YIPF6: variants seen among roughly 807,000 people sequenced by gnomAD.
YIPF6 encodes the protein Yip1 domain family member 6.
In YIPF6, 3 loss-of-function variants were observed where a neutral mutation model predicts 16.8. The ratio of observed to expected loss-of-function variants is 0.18; its 90% CI spans 0.08 to 0.46. The LOEUF (loss-of-function observed/expected upper bound fraction) is 0.46, where lower values mean the gene tolerates loss of function less well. Ranked by LOEUF, YIPF6 falls within the 20% of genes least tolerant of loss-of-function variation. The pLI is 0.98. For missense variants in YIPF6, 145 were observed against 184.9 expected (o/e 0.78, Z 1.25); for synonymous variants, 67 against 61.9 (o/e 1.08, Z -0.38).
chrX:68,520,765 C>G (rs2079122586), intron 4 of YIPF6, among the ~76,000 whole-genome samples: 1 of 111,933 alleles, frequency 8.9e-6, no homozygotes, highest in East Asian at 2.8e-4. Context: ...GCCACCATAC[C>G]TGGCCTATTT....
chrX:68,505,966 T>C (rs1236739571), intron 1 of YIPF6, among the ~76,000 whole-genome samples: 2 of 111,581 alleles, frequency 1.8e-5, no homozygotes, highest in East Asian at 2.8e-4. Flanking sequence ...TTTCCACTTA[T>C]GGCCTTTTTT....
chrX:68,526,844 A>T (rs190984881), intron 6 of YIPF6, among the ~76,000 whole-genome samples: 24 of 111,988 alleles, frequency 2.1e-4, no homozygotes, highest in Non-Finnish European at 3.9e-4. Context: ...ATGGTGGGTA[A>T]GCTTTTTGAT....
At chrX:68,518,647 G>T in intron 3 of YIPF6, 123 bp from the exon 4 acceptor site, 1 of 742,921 alleles carries the variant, frequency 1.3e-6, no homozygotes. Context: ...TGGGAGAGGA[G>T]AGGTAGGAAG....
At chrX:68,529,534 C>T (rs1371961947) in intron 6 of YIPF6, among the ~76,000 whole-genome samples, 1 of 110,609 alleles carries the variant, frequency 9.0e-6, no homozygotes, top group Non-Finnish European at 1.9e-5. Flanking sequence ...GAGTTGTGAT[C>T]CTTTGGAGGA....
At position 68,521,497 on chromosome X, in the gene YIPF6, T is replaced by C. The variant is rs749470443; in HGVS notation, c.434T>C (p.Ile145Thr). 1.2e-5 allele frequency: 14 copies of C among 1,205,760 alleles called. No individual in the cohort carries two copies. The South Asian group carries it at 2.5e-4, about 22-fold the overall frequency. Residue 145 changes from isoleucine (I) to threonine (T), a missense_variant and splice_region_variant, in exon 5 of 7, where the codon ATA becomes ACA. Physicochemically the swap from Ile to Thr is moderately conservative, Grantham distance 89 (BLOSUM62 -1). Coordinates refer to ENST00000462683, the MANE Select transcript of YIPF6 (RefSeq NM_173834.4). ...AACTCAAAACTTCTTGGAGGGAACA[T>C]GTGAGTATTATTAAAATGCATTCTT... ...TLNSKLLGGN[I>T]SFFQSLCVLG... is the part of the protein sequence containing the mutation.
chrX:68,525,753 A>G (rs750522926), intron 6 of YIPF6, among the ~76,000 whole-genome samples: 32 of 111,998 alleles, frequency 2.9e-4, no homozygotes, highest in Non-Finnish European at 5.3e-4. Context: ...TCCTTTCCCC[A>G]TTGCTGGTTT....
intron 1 of YIPF6, among the ~76,000 whole-genome samples, chrX:68,508,493 A>C (rs1434230913): frequency 9.0e-6 from 1 of 111,576 alleles, no homozygotes; most frequent in Non-Finnish European, 1.9e-5. Flanking sequence ...CATAGTTCCT[A>C]GATACTCTAT....
intron 6 of YIPF6, among the ~76,000 whole-genome samples, chrX:68,527,578 G>T (rs1049918295): frequency 1.1e-4 from 12 of 111,774 alleles, no homozygotes; most frequent in African/African-American, 3.9e-4. Context: ...GTCAGTTTTA[G>T]ATCTTTCCCG....
chrX:68,523,433 A>C (rs984917316), intron 6 of YIPF6, among the ~76,000 whole-genome samples: 1 of 111,891 alleles, frequency 8.9e-6, no homozygotes, highest in Non-Finnish European at 1.9e-5. Context: ...CCTAGGTTGC[A>C]TTACTTGTGA....
intron 6 of YIPF6, among the ~76,000 whole-genome samples, chrX:68,530,540 G>T (rs1438354270): frequency 8.1e-5 from 9 of 111,179 alleles, no homozygotes; most frequent in Admixed American, 3.8e-4. Flanking sequence ...AGCTAGCTTG[G>T]TGTCTGCCCA....
At chrX:68,504,792 CTAAG>C (rs1208421686) in intron 1 of YIPF6, among the ~76,000 whole-genome samples, 1 of 111,997 alleles carries the variant, frequency 8.9e-6, no homozygotes, top group Non-Finnish European at 1.9e-5. Flanking sequence ...CACAGAGAGG[CTAAG>C]TAACCTGCTC....
At position 68,499,071 on chromosome X, in the gene YIPF6, C is replaced by A. The variant is rs865788872; in HGVS notation, c.5C>A (p.Ala2Glu). The part of the protein sequence containing the change: M[A>E]EAEESPGDPG... ...CCCGGGAGAAGGAGGGCCAAGATGG[C>A]GGAAGCGGAGGAGTCTCCAGGAGAC... is the stretch of plus-strand genomic sequence containing the variant. Residue 2 changes from alanine (A) to glutamate (E), a missense_variant, in exon 1 of 7, where the codon GCG becomes GAG. Physicochemically the swap from Ala to Glu is moderately radical, Grantham distance 107. Transcript: ENST00000462683. The A allele has an allele frequency of 8.4e-7, 1 of 1,187,387 alleles. No individual in the cohort carries two copies. The highest frequency in any genetic ancestry group is 1.9e-5 in the South Asian group (1 of 53,951).
chrX:68,499,264 C>T (rs2079031850), intron 1 of YIPF6, 141 bp downstream of exon 1: 4 of 762,585 alleles, frequency 5.2e-6, no homozygotes, highest in African/African-American at 2.2e-5. Flanking sequence ...CAGAACCAGT[C>T]CCAACACTGC....
At chrX:68,525,663 A>C (rs1405196226) in intron 6 of YIPF6, among the ~76,000 whole-genome samples, 1 of 111,950 alleles carries the variant, frequency 8.9e-6, no homozygotes, top group African/African-American at 3.3e-5. Flanking sequence ...ATTTTTGTAT[A>C]AGGTATAAGG....
In YIPF6 at chrX:68,532,255, C is replaced by A; in HGVS notation, c.*256C>A. 4.3e-6 allele frequency: 1 copy of A among 231,944 alleles called. No individual in the cohort carries two copies. Among genetic ancestry groups the A allele is most frequent in the Non-Finnish European group, 7.6e-6 (1 of 130,909 alleles). 19.1% of individuals were successfully genotyped at this position (231,944 alleles called of 1,213,427 possible). On this transcript the variant is annotated 3_prime_UTR_variant, in exon 7 of 7. Transcript: ENST00000462683. ...TGCATACTACACACAGTATATAATG[C>A]CTCCTTAAGGCATGATGGAGTCACC...
rs992816819 is a variant in YIPF6 at position 68,525,145 on chromosome X, A to G, written c.592+2228A>G. 2.7e-5 allele frequency among the ~76,000 whole-genome samples: 3 copies of G among 112,105 alleles called. No homozygotes were observed. The Admixed American group carries it at 2.8e-4, about 11-fold the overall frequency. On this transcript the variant is annotated intron_variant, in intron 6 of 6. Coordinates refer to ENST00000462683, the MANE Select transcript of YIPF6 (RefSeq NM_173834.4). ...TCTATTTCTTCACATCCTCTCCAGCATCTGTTGTTTCCTGACTTTTTAATG... is the reference window on the plus strand; with the variant it reads ...TCTATTTCTTCACATCCTCTCCAGCGTCTGTTGTTTCCTGACTTTTTAATG...
intron 1 of YIPF6, among the ~76,000 whole-genome samples, chrX:68,504,680 T>C (rs1282694911): frequency 3.6e-5 from 4 of 112,291 alleles, no homozygotes; most frequent in Non-Finnish European, 1.9e-5. Flanking sequence ...AGCTAACATT[T>C]ATCCAGCCCC....
rs758680005 is a variant in YIPF6, at chrX:68,531,985, T to C, written c.697T>C (p.Phe233Leu). Residue 233 changes from phenylalanine to leucine, a missense_variant, in exon 7 of 7, where the codon TTT becomes CTT. Physicochemically the swap from Phe to Leu is conservative, Grantham distance 22. Coordinates refer to ENST00000462683, the MANE Select transcript of YIPF6 (RefSeq NM_173834.4). ...TGTCATCAGTTGGATGATTCTCACC[T>C]TTACTCCTCAGTAAATCAGGAATGG... is the stretch of plus-strand genomic sequence containing the variant. ...YFVISWMILT[F>L]TPQ The C allele has an allele frequency of 8.4e-7, 1 of 1,189,464 alleles. No homozygotes were observed. Among genetic ancestry groups the C allele is most frequent in the Non-Finnish European group, 1.1e-6 (1 of 878,067 alleles).
chrX:68,509,474 T>C (rs957680843), intron 1 of YIPF6, among the ~76,000 whole-genome samples: 1 of 111,623 alleles, frequency 9.0e-6, no homozygotes, highest in African/African-American at 3.3e-5. Flanking sequence ...TGCCCTTGCA[T>C]CTCATGGTGA....
Sources: gnomAD v4.1 joint callset for allele counts (sites outside exome capture counted in the v4.1 genomes callset) on GRCh38, gnomAD v4.1.1 for gene constraint, MANE v1.5 for transcripts, NCBI Gene and HGNC (gene_info 2026-07-23, HGNC 2026-07-21) for gene names.